The following PAM variants were observed in gnomAD, a reference collection of about 807,000 sequenced individuals.
PAM encodes peptidylglycine alpha-amidating monooxygenase, also known as peptidyl-glycine alpha-amidating monooxygenase.
Under a neutral mutation model 122.1 loss-of-function variants are expected in PAM, and 72 were observed. The ratio of observed to expected loss-of-function variants is 0.59; its 90% CI spans 0.49 to 0.72. The LOEUF is 0.72. Among genes scored for constraint, PAM ranks in the 30% least tolerant of loss-of-function variants. The pLI is 0.00. For synonymous variants in PAM, 389 were observed against 404.4 expected, an observed-to-expected ratio of 0.96 and a Z score of 0.46; for missense variants, 1,106 against 1,183.7, an observed-to-expected ratio of 0.93 and a Z score of 0.96.
intron 12 of PAM, among the ~76,000 whole-genome samples, chr5:102,958,022 G>T (rs1761338466): frequency 6.6e-6 from 1 of 152,112 alleles, no homozygotes; most frequent in Non-Finnish European, 1.5e-5. Context: ...GAACACACTG[G>T]CCCAAGGGAC....
chr5:102,873,572 G>A (rs767817686), intron 3 of PAM: 5 of 152,156 alleles, frequency 3.3e-5, no homozygotes, highest in East Asian at 1.9e-4. Flanking sequence ...CCCGACCCTC[G>A]TCTAATTGAA....
At chr5:102,817,257 A>G (rs1770190215) in intron 1 of PAM, among the ~76,000 whole-genome samples, 1 of 152,088 alleles carries the variant, frequency 6.6e-6, no homozygotes, top group Non-Finnish European at 1.5e-5. Flanking sequence ...CCCTTGACTT[A>G]CTATTATAAT....
At chr5:102,872,412 A>G (rs1255306233) in intron 3 of PAM, among the ~76,000 whole-genome samples, 1 of 152,208 alleles carries the variant, frequency 6.6e-6, no homozygotes, top group Admixed American at 6.5e-5. Context: ...CTCCTACAAA[A>G]TGTTCTCAAA....
intron 1 of PAM, among the ~76,000 whole-genome samples, chr5:102,831,762 A>C (rs182491010): frequency 7.9e-5 from 12 of 152,312 alleles, no homozygotes; most frequent in African/African-American, 2.9e-4. Context: ...TTTAACTAGA[A>C]AAAAATTTAC....
At chr5:102,818,049 A>G (rs1770524130) in intron 1 of PAM, among the ~76,000 whole-genome samples, 1 of 143,910 alleles carries the variant, frequency 6.9e-6, no homozygotes, top group African/African-American at 2.6e-5. Context: ...AAAAAAAAAG[A>G]CCTATTTAAA....
chr5:102,857,003 C>A (rs1009905061), intron 1 of PAM, among the ~76,000 whole-genome samples: 1 of 152,132 alleles, frequency 6.6e-6, no homozygotes, highest in Non-Finnish European at 1.5e-5. Flanking sequence ...GTGTGGTAAA[C>A]CCTGTGTTCC....
chr5:102,925,679 G>A (rs542881952), intron 6 of PAM, among the ~76,000 whole-genome samples: 3 of 151,922 alleles, frequency 2.0e-5, no homozygotes, highest in African/African-American at 7.2e-5. Flanking sequence ...ATGAGCCTCA[G>A]AATTCTCTCC....
chr5:102,812,211 T>A (rs2150207667), intron 1 of PAM, among the ~76,000 whole-genome samples: 1 of 152,278 alleles, frequency 6.6e-6, no homozygotes, highest in Middle Eastern at 3.4e-3. Context: ...GTACAATATA[T>A]ACATTAATCA....
chr5:102,824,247 T>C (rs1772907839), intron 1 of PAM, among the ~76,000 whole-genome samples: 1 of 152,226 alleles, frequency 6.6e-6, no homozygotes, highest in Admixed American at 6.5e-5. Flanking sequence ...TTCATGAGCA[T>C]AGTATACGGA....
intron 7 of PAM, among the ~76,000 whole-genome samples, chr5:102,939,300 A>G (rs1435478688): frequency 6.6e-6 from 1 of 151,876 alleles, no homozygotes; most frequent in African/African-American, 2.4e-5. Context: ...TCTTTTTTCC[A>G]TCTTTAAAAA....
rs1323278106 is a variant in PAM at position 103,025,050 on chromosome 5, G to A, written c.2486-81G>A. 3 of 929,988 alleles carry A rather than the reference G, an allele frequency of 3.2e-6. No homozygotes were observed. In the African/African-American group the frequency reaches 4.9e-5, roughly 15 times the overall value. 57.6% of individuals were successfully genotyped at this position (929,988 alleles called of 1,614,324 possible). Reference sequence around the variant, plus strand: ...AACAAGTTCTTTGTGAACAGTTATTGATTTGACTGGGTAGGGGTGGGTAAG... The same window carrying A: ...AACAAGTTCTTTGTGAACAGTTATTAATTTGACTGGGTAGGGGTGGGTAAG... On this transcript the variant is annotated intron_variant, in intron 23 of 25. Coordinates refer to ENST00000438793, the MANE Select transcript of PAM (RefSeq NM_001177306.2).
At chr5:102,777,021 T>G (rs939332177) in intron 1 of PAM, among the ~76,000 whole-genome samples, 2 of 152,136 alleles carry the variant, frequency 1.3e-5, no homozygotes, top group African/African-American at 4.8e-5. Flanking sequence ...TGTTTTATAA[T>G]TTCACCTTTT....
At chr5:102,839,974 G>A (rs1468172389) in intron 1 of PAM, among the ~76,000 whole-genome samples, 2 of 152,092 alleles carry the variant, frequency 1.3e-5, no homozygotes, top group Non-Finnish European at 2.9e-5. Context: ...GAAATAAGAT[G>A]TGCTTACTCC....
At chr5:102,767,758 ATTGT>A (rs888722515) in intron 1 of PAM, among the ~76,000 whole-genome samples, 1 of 152,142 alleles carries the variant, frequency 6.6e-6, no homozygotes, top group African/African-American at 2.4e-5. Flanking sequence ...ACAGCCATAG[ATTGT>A]TTATTTCTGC....
At chr5:102,932,785 C>T (rs1447621459) in intron 7 of PAM, among the ~76,000 whole-genome samples, 2 of 152,054 alleles carry the variant, frequency 1.3e-5, no homozygotes, top group East Asian at 1.9e-4. Flanking sequence ...TTCTCCTTAT[C>T]CCCTTCTCCC....
intron 1 of PAM, among the ~76,000 whole-genome samples, chr5:102,757,098 C>A (rs192384054): frequency 1.3e-3 from 192 of 152,232 alleles, no homozygotes; most frequent in African/African-American, 3.8e-3. Context: ...GAGGCCGAGG[C>A]GGGCAAATCA....
At chr5:102,863,757 A>G (rs1457640533) in intron 1 of PAM, among the ~76,000 whole-genome samples, 1 of 150,834 alleles carries the variant, frequency 6.6e-6, no homozygotes. Context: ...ATTATCCAGA[A>G]TTATAAAAAA....
chr5:102,862,947 T>C (rs969120142), intron 1 of PAM, among the ~76,000 whole-genome samples: 10 of 152,064 alleles, frequency 6.6e-5, no homozygotes, highest in Non-Finnish European at 1.2e-4. Context: ...AATTGGTTAA[T>C]ATATTTATTT....
chr5:102,785,048 T>C (rs1414729464), intron 1 of PAM, among the ~76,000 whole-genome samples: 1 of 152,236 alleles, frequency 6.6e-6, no homozygotes, highest in Admixed American at 6.5e-5. Flanking sequence ...AAATAGACTT[T>C]TTTGTTGTTG....
Sources: allele counts gnomAD v4.1 joint callset (sites outside exome capture counted in the v4.1 genomes callset), GRCh38; gene constraint gnomAD v4.1.1; transcripts MANE v1.5; gene names NCBI Gene and HGNC (gene_info 2026-07-23, HGNC 2026-07-21).